Variants in RRAS2 observed in about 807,000 individuals in gnomAD.
The protein encoded by RRAS2 is RAS related 2.
Under a neutral mutation model 27.6 loss-of-function variants are expected in RRAS2, and 7 were observed. The observed-to-expected ratio is 0.25, with a 90% confidence interval of 0.14 to 0.48. RRAS2 has a LOEUF of 0.48. Ranked by LOEUF, RRAS2 falls within the 20% of genes least tolerant of loss-of-function variation. RRAS2 has a pLI of 0.99. For synonymous variants in RRAS2, 86 were observed against 90.9 expected (o/e 0.95, Z 0.31); for missense variants, 178 against 256.2 (o/e 0.69, Z 2.08).
In RRAS2 at chr11:14,279,307, T is replaced by C. The variant is rs1554943947; in HGVS notation, c.*30A>G. 1.3e-6 allele frequency: 2 copies of C among 1,492,318 alleles called. No homozygotes were observed. Among genetic ancestry groups the C allele is most frequent in the South Asian group, 1.1e-5 (1 of 88,630 alleles). The allele number at this position is 1,492,318 out of a possible 1,614,324, so 92.4% of individuals were successfully genotyped here. ...AGAAAGAGAAGATGAGGGCTTTTCCTGGCCGTTGGTAGCTAAAACTGAAGG... is the reference window on the plus strand; with the variant it reads ...AGAAAGAGAAGATGAGGGCTTTTCCCGGCCGTTGGTAGCTAAAACTGAAGG... On this transcript the variant is annotated 3_prime_UTR_variant, in exon 6 of 6. Coordinates refer to ENST00000256196, the MANE Select transcript of RRAS2 (RefSeq NM_012250.6).
At chr11:14,324,489 T>C (rs1283141764) in intron 1 of RRAS2, among the ~76,000 whole-genome samples, 1 of 151,764 alleles carries the variant, frequency 6.6e-6, no homozygotes, top group African/African-American at 2.4e-5. Flanking sequence ...ATGGATAGAA[T>C]TGTCAAGGTA....
Position 14,349,132 on chromosome 11 carries a change from A to AT in RRAS2, c.108+9630dup, listed in dbSNP as rs1554954449. ...AGGCACCCGCGACCACGCCCGGCTA[A>AT]TTTTTTGTATTCATTTTTTATTTTT... On this transcript the variant is annotated intron_variant, in intron 1 of 5. Transcript: ENST00000256196. Among the ~76,000 whole-genome samples the AT allele has an allele frequency of 2.0e-5, 3 of 149,882 alleles. 1 individual carries two copies. Among genetic ancestry groups the AT allele is most frequent in the Non-Finnish European group, 1.5e-5 (1 of 67,676 alleles).
At chr11:14,344,983 CTTTATTTTTTTTT>C (rs1848799022) in intron 1 of RRAS2, among the ~76,000 whole-genome samples, 1 of 78,982 alleles carries the variant, frequency 1.3e-5, no homozygotes, top group Non-Finnish European at 2.4e-5. Context: ...CTACTCAAGA[CTTTATTTTTTTTT>C]TTTTTTTTTT....
intron 1 of RRAS2, among the ~76,000 whole-genome samples, chr11:14,349,351 G>A (rs11023195): frequency 2.0e-5 from 3 of 148,800 alleles, no homozygotes; most frequent in African/African-American, 5.0e-5. Context: ...TTAGTAAAGA[G>A]GGGGGTTTCA....
intron 1 of RRAS2, among the ~76,000 whole-genome samples, chr11:14,332,537 T>C (rs1446613076): frequency 6.6e-6 from 1 of 152,004 alleles, no homozygotes; most frequent in Non-Finnish European, 1.5e-5. Flanking sequence ...TAAAGAACCA[T>C]AGAAACAAGC....
At chr11:14,280,350 T>C (rs1591438681) in intron 5 of RRAS2, among the ~76,000 whole-genome samples, 1 of 152,192 alleles carries the variant, frequency 6.6e-6, no homozygotes, top group South Asian at 2.1e-4. Flanking sequence ...CTTCACTTTT[T>C]TTTCCTCCAC....
intron 2 of RRAS2, 105 bp downstream of exon 2, chr11:14,295,663 G>T: frequency 1.2e-6 from 1 of 848,806 alleles, no homozygotes; most frequent in Non-Finnish European, 1.8e-6. Context: ...TAATATTCCA[G>T]ATCATCTAAT....
At chr11:14,299,717 G>C (rs1847646940) in intron 1 of RRAS2, among the ~76,000 whole-genome samples, 1 of 152,132 alleles carries the variant, frequency 6.6e-6, no homozygotes, top group African/African-American at 2.4e-5. Context: ...ATAAAGACAA[G>C]GTCTCTATCT....
intron 1 of RRAS2, among the ~76,000 whole-genome samples, chr11:14,312,758 A>T (rs1848004296): frequency 6.6e-6 from 1 of 152,260 alleles, no homozygotes; most frequent in Admixed American, 6.5e-5. Flanking sequence ...TAGTGAAGAC[A>T]TATAGGTCTA....
In RRAS2 at chr11:14,358,873, G is replaced by A; in HGVS notation, c.-3C>T. 1 of 1,457,150 alleles carries A rather than the reference G, an allele frequency of 6.9e-7. No individual in the cohort carries two copies. Among genetic ancestry groups the A allele is most frequent in the Non-Finnish European group, 9.1e-7 (1 of 1,096,562 alleles). The allele number at this position is 1,457,150 out of a possible 1,614,324, so 90.3% of individuals were successfully genotyped here. Reference sequence around the variant, plus strand: ...TCCCGCCAGCCGGCCGCGGCCATGGGGACGCTACAGAGCCCAGCCTGACTG... The same window carrying A: ...TCCCGCCAGCCGGCCGCGGCCATGGAGACGCTACAGAGCCCAGCCTGACTG... On this transcript the variant is annotated 5_prime_UTR_variant, in exon 1 of 6. Coordinates refer to ENST00000256196, the MANE Select transcript of RRAS2 (RefSeq NM_012250.6). This position sits in a 1 kb window ranked among gnomAD's most constrained non-coding sequence, Gnocchi z 5.1.
intron 4 of RRAS2, among the ~76,000 whole-genome samples, chr11:14,285,437 G>A (rs957446505): frequency 6.6e-6 from 1 of 152,000 alleles, no homozygotes; most frequent in Non-Finnish European, 1.5e-5. Context: ...GCTCTTTTTT[G>A]TTATTAACTT....
At chr11:14,287,378 CA>C (rs1849689483) in intron 4 of RRAS2, among the ~76,000 whole-genome samples, 1 of 152,014 alleles carries the variant, frequency 6.6e-6, no homozygotes, top group Non-Finnish European at 1.5e-5. Flanking sequence ...TATATATACA[CA>C]AAAAGTAAAA....
intron 1 of RRAS2, among the ~76,000 whole-genome samples, chr11:14,318,155 C>G (rs1848152175): frequency 6.6e-6 from 1 of 152,122 alleles, no homozygotes; most frequent in Non-Finnish European, 1.5e-5. Flanking sequence ...AAATACCTGT[C>G]AAATGAGTAA....
chr11:14,318,279 A>AAAC (rs1564968730), intron 1 of RRAS2, among the ~76,000 whole-genome samples: 1 of 152,140 alleles, frequency 6.6e-6, no homozygotes, highest in African/African-American at 2.4e-5. Context: ...CGGGTGGATC[A>AAAC]CCTGAAGTCA....
intron 4 of RRAS2, among the ~76,000 whole-genome samples, chr11:14,286,664 C>T (rs1028573255): frequency 6.6e-6 from 1 of 152,228 alleles, no homozygotes; most frequent in African/African-American, 2.4e-5. Flanking sequence ...CACCAATATA[C>T]ATATATCCAA....
chr11:14,358,889 A>T lies in RRAS2; in HGVS notation c.-19T>A. The T allele has an allele frequency of 1.4e-6, 2 of 1,389,812 alleles. No homozygotes were observed. Among genetic ancestry groups the T allele is most frequent in the Non-Finnish European group, 9.4e-7 (1 of 1,059,918 alleles). 86.1% of individuals were successfully genotyped at this position (1,389,812 alleles called of 1,614,324 possible). ...CGGCCATGGGGACGCTACAGAGCCC[A>T]GCCTGACTGCGCCGAGCCGCCGCTG... On this transcript the variant is annotated 5_prime_UTR_variant, in exon 1 of 6. Coordinates refer to ENST00000256196, the MANE Select transcript of RRAS2 (RefSeq NM_012250.6). This position sits in a 1 kb window ranked among gnomAD's most constrained non-coding sequence, Gnocchi z 5.1.
chr11:14,279,716 T>A (rs903381143), intron 5 of RRAS2, among the ~76,000 whole-genome samples: 2 of 152,202 alleles, frequency 1.3e-5, no homozygotes, highest in Non-Finnish European at 2.9e-5. Flanking sequence ...GACTCTAAGG[T>A]ATCCTTAAGA....
At chr11:14,284,636 GT>G (rs1353731500) in intron 4 of RRAS2, among the ~76,000 whole-genome samples, 1 of 152,078 alleles carries the variant, frequency 6.6e-6, no homozygotes, top group Non-Finnish European at 1.5e-5. Flanking sequence ...ATTTTTCCTT[GT>G]AGTTCTTAAC....
intron 1 of RRAS2, among the ~76,000 whole-genome samples, chr11:14,327,298 G>C (rs1466817749): frequency 2.0e-5 from 3 of 152,150 alleles, no homozygotes; most frequent in Non-Finnish European, 4.4e-5. Context: ...AAAAATAGCT[G>C]AAGAGAGGAT....
Sources: gnomAD v4.1 joint callset for allele counts (sites outside exome capture counted in the v4.1 genomes callset) on GRCh38, gnomAD v4.1.1 for gene constraint, Gnocchi (gnomAD v3.1) non-coding constraint, MANE v1.5 for transcripts, NCBI Gene and HGNC (gene_info 2026-07-23, HGNC 2026-07-21) for gene names.